PPEF1: variants seen among roughly 807,000 people sequenced by gnomAD.
PPEF1 encodes the protein protein phosphatase with EF-hand domain 1.
In PPEF1, 12 loss-of-function variants were observed where a neutral mutation model predicts 53.3. The ratio of observed to expected loss-of-function variants is 0.23; its 90% CI spans 0.14 to 0.36. The LOEUF (loss-of-function observed/expected upper bound fraction) is 0.36. Among genes scored for constraint, PPEF1 ranks in the 10% least tolerant of loss-of-function variants. The pLI is 1.00. For synonymous variants in PPEF1, 165 were observed against 176.7 expected (o/e 0.93, Z 0.52); for missense variants, 334 against 490.4 (o/e 0.68, Z 3.01).
chrX:18,762,425 G>A (rs916916118), intron 6 of PPEF1, among the ~76,000 whole-genome samples: 1 of 111,798 alleles, frequency 8.9e-6, no homozygotes, highest in Non-Finnish European at 1.9e-5. Context: ...GATTATTATT[G>A]TTACCAGAAA....
intron 1 of PPEF1, among the ~76,000 whole-genome samples, chrX:18,726,404 T>G (rs1260848595): frequency 9.5e-6 from 1 of 105,723 alleles, no homozygotes; most frequent in Non-Finnish European, 1.9e-5. Context: ...ATGGCGGCCA[T>G]TATTATTCAA....
intron 12 of PPEF1, among the ~76,000 whole-genome samples, chrX:18,806,810 A>G (rs1443014166): frequency 9.0e-6 from 1 of 111,626 alleles, no homozygotes; most frequent in Non-Finnish European, 1.9e-5. Context: ...AGAAAAGAAG[A>G]TCCCCACACC....
chrX:18,824,235 T>A, intron 14 of PPEF1, 149 bp downstream of exon 14: 1 of 542,499 alleles, frequency 1.8e-6, no homozygotes, highest in Non-Finnish European at 2.7e-6. Flanking sequence ...AGGTCAGGAG[T>A]TCGAGACCAG....
At chrX:18,681,999 C>A (rs1305715242), upstream of PPEF1, among the ~76,000 whole-genome samples, 1 of 112,263 alleles carries the variant, frequency 8.9e-6, no homozygotes, top group Admixed American at 9.4e-5. Context: ...AAGCATAACA[C>A]CACCTAAGCG....
At chrX:18,752,980 G>T (rs2045475070) in intron 4 of PPEF1, among the ~76,000 whole-genome samples, 1 of 111,478 alleles carries the variant, frequency 9.0e-6, no homozygotes, top group Non-Finnish European at 1.9e-5. Context: ...TAGTGTCTTT[G>T]CCTGGCTTTG....
intron 9 of PPEF1, among the ~76,000 whole-genome samples, chrX:18,788,036 G>A (rs1410266963): frequency 1.8e-5 from 2 of 112,000 alleles, no homozygotes; most frequent in East Asian, 2.8e-4. Context: ...TAAGTGCTTG[G>A]CCGGGTGCAG....
intron 3 of PPEF1, among the ~76,000 whole-genome samples, chrX:18,689,968 G>T (rs1345489041): frequency 9.1e-6 from 1 of 109,812 alleles, no homozygotes; most frequent in Non-Finnish European, 1.9e-5. Flanking sequence ...ACCTTCCACT[G>T]TCAGGTCAAA....
chrX:18,743,855 T>C (rs969803168), intron 3 of PPEF1, among the ~76,000 whole-genome samples: 1 of 110,995 alleles, frequency 9.0e-6, no homozygotes, highest in African/African-American at 3.3e-5. Context: ...TTTGTCTTTT[T>C]CTTATGAATT....
At chrX:18,797,011 C>T (rs1354120975) in intron 10 of PPEF1, among the ~76,000 whole-genome samples, 1 of 111,411 alleles carries the variant, frequency 9.0e-6, no homozygotes, top group Non-Finnish European at 1.9e-5. Flanking sequence ...TATTCCATAA[C>T]AGAGCCTCCC....
At chrX:18,725,532 C>G (rs1188870633) in intron 1 of PPEF1, among the ~76,000 whole-genome samples, 1 of 111,428 alleles carries the variant, frequency 9.0e-6, no homozygotes, top group African/African-American at 3.3e-5. Flanking sequence ...GGAGTGTGTC[C>G]CTAGTCCCTC....
At chrX:18,684,546 A>C in intron 1 of PPEF1, among the ~76,000 whole-genome samples, 1 of 110,715 alleles carries the variant, frequency 9.0e-6, no homozygotes, top group East Asian at 2.8e-4. Flanking sequence ...AGAGAAACAG[A>C]TGAGCTTAGA....
intron 3 of PPEF1, among the ~76,000 whole-genome samples, chrX:18,741,722 A>T (rs979316755): frequency 6.9e-5 from 7 of 101,918 alleles, no homozygotes; most frequent in Non-Finnish European, 9.8e-5. Flanking sequence ...GAACTTCTTT[A>T]TATAGATGGA....
At chrX:18,747,662 C>T (rs1602409965) in intron 3 of PPEF1, among the ~76,000 whole-genome samples, 2 of 111,465 alleles carry the variant, frequency 1.8e-5, no homozygotes, top group Admixed American at 9.6e-5. Context: ...TTTGTAGAGA[C>T]GAGGTTTCAC....
intron 8 of PPEF1, among the ~76,000 whole-genome samples, chrX:18,782,840 C>T (rs1329213968): frequency 9.2e-6 from 1 of 109,213 alleles, no homozygotes; most frequent in Non-Finnish European, 1.9e-5. Flanking sequence ...AGGCTGAGCA[C>T]GGTGGCTCAC....
At chrX:18,721,231 A>G (rs2044583294) in intron 1 of PPEF1, among the ~76,000 whole-genome samples, 1 of 111,842 alleles carries the variant, frequency 8.9e-6, no homozygotes, top group Admixed American at 9.6e-5. Context: ...TAAAAAAACT[A>G]ATGTGTGAAA....
At chrX:18,784,161 A>G (rs1243751017) in intron 9 of PPEF1, 113 bp downstream of exon 9, 5 of 708,429 alleles carry the variant, frequency 7.1e-6, no homozygotes, top group South Asian at 1.2e-4. Context: ...CTCTAAAAAG[A>G]TTATAGATTT....
intron 12 of PPEF1, among the ~76,000 whole-genome samples, chrX:18,808,708 A>C (rs923032398): frequency 9.0e-6 from 1 of 111,583 alleles, no homozygotes; most frequent in East Asian, 2.8e-4. Context: ...AATGAGATAG[A>C]TACCCTCTCT....
At chrX:18,743,960 C>A (rs1362574067) in intron 3 of PPEF1, among the ~76,000 whole-genome samples, 1 of 110,965 alleles carries the variant, frequency 9.0e-6, no homozygotes, top group East Asian at 2.8e-4. Context: ...ATGACCTCGG[C>A]TCCCTGCAAC....
In PPEF1 at chrX:18,767,458, T is replaced by C. The variant is rs922711133; in HGVS notation, c.558+5882T>C. Among the ~76,000 whole-genome samples, 4 of 111,471 alleles carry C rather than the reference T, an allele frequency of 3.6e-5. No homozygotes were observed. The Admixed American group carries it at 3.8e-4, about 11-fold the overall frequency. ...TACTCAGGAGGCTGAGGCAGAAGAA[T>C]TGCTTGAACCCGGGATGCAGAGGTT... is the stretch of plus-strand genomic sequence containing the variant. On this transcript the variant is annotated intron_variant, in intron 6 of 15. Coordinates refer to ENST00000470157, the MANE Select transcript of PPEF1 (RefSeq NM_001377996.1).
Sources: gnomAD v4.1 joint callset for allele counts (sites outside exome capture counted in the v4.1 genomes callset) on GRCh38, gnomAD v4.1.1 for gene constraint, MANE v1.5 for transcripts, NCBI Gene and HGNC (gene_info 2026-07-23, HGNC 2026-07-21) for gene names.